The following RAF1 variants were observed in gnomAD, a reference collection of about 807,000 sequenced individuals.
The protein encoded by RAF1 is RAF proto-oncogene serine/threonine-protein kinase.
RAF1 carries 27 observed loss-of-function variants against 81.1 expected under a neutral mutation model. The observed-to-expected ratio is 0.33, with a 90% CI of 0.25 to 0.46. The LOEUF is 0.46. Among genes scored for constraint, RAF1 ranks in the 20% least tolerant of loss-of-function variants. The pLI is 1.00. For synonymous variants in RAF1, 298 were observed against 294.0 expected (o/e 1.01, Z -0.14); for missense variants, 598 against 826.0 (o/e 0.72, Z 3.38).
rs543198984 is a variant in RAF1, at chr3:12,584,713, A to G, written c.1864-56T>C. On this transcript the variant is annotated intron_variant, in intron 17 of 17. Coordinates refer to ENST00000442415, the MANE Select transcript of RAF1 (RefSeq NM_001354689.3). ...GCTGTGTCTCAAAGACACAGGATGTACCCTGCCCCCCACCATCTTGTAGAG... is the reference window on the plus strand; with the variant it reads ...GCTGTGTCTCAAAGACACAGGATGTGCCCTGCCCCCCACCATCTTGTAGAG... 9.4e-5 allele frequency: 152 copies of G among 1,613,436 alleles called. No individual in the cohort carries two copies. The Middle Eastern group carries it at 3.0e-3, about 32-fold the overall frequency.
rs1342780733 is a variant in RAF1, at chr3:12,583,778, T to C, written c.*736A>G. On this transcript the variant is annotated 3_prime_UTR_variant, in exon 18 of 18. Transcript: ENST00000442415. Reference sequence around the variant, plus strand: ...AGAGAAACAAGGCTGTTTGTTTGTTTGTTTGTTAGAGAAACAAGGCTGGCC... The same window carrying C: ...AGAGAAACAAGGCTGTTTGTTTGTTCGTTTGTTAGAGAAACAAGGCTGGCC... 1 of 233,306 alleles carries C rather than the reference T, an allele frequency of 4.3e-6. No homozygotes were observed. The highest frequency in any genetic ancestry group is 6.0e-5 in the East Asian group (1 of 16,556). The allele number at this position is 233,306 out of a possible 1,614,324, so 14.5% of individuals were successfully genotyped here.
chr3:12,590,247 G>C (rs2058466909), intron 13 of RAF1: 1 of 164,494 alleles, frequency 6.1e-6, no homozygotes, highest in South Asian at 1.6e-4. Context: ...TCAGGTTTCT[G>C]ATAAAGCCAG....
intron 1 of RAF1, among the ~76,000 whole-genome samples, chr3:12,642,412 G>A (rs911925895): frequency 2.0e-5 from 3 of 150,332 alleles, no homozygotes; most frequent in African/African-American, 7.3e-5. Flanking sequence ...GGGAGGCTGA[G>A]GCAGGAGGAG....
intron 12 of RAF1, 69 bp from the exon 12 acceptor site, chr3:12,591,043 G>A (rs2058500160): frequency 4.2e-6 from 6 of 1,424,756 alleles, no homozygotes; most frequent in East Asian, 2.3e-5. Flanking sequence ...GTGCTTTCCC[G>A]TGGACAGTGG....
intron 2 of RAF1, among the ~76,000 whole-genome samples, chr3:12,618,149 A>G (rs1239833827): frequency 2.0e-5 from 3 of 152,168 alleles, no homozygotes; most frequent in African/African-American, 7.2e-5. Context: ...ATAGTCAAAA[A>G]GCTTTAGGTG....
At chr3:12,649,619 ACAG>A (rs1195805730) in intron 1 of RAF1, among the ~76,000 whole-genome samples, 1 of 137,290 alleles carries the variant, frequency 7.3e-6, no homozygotes, top group Non-Finnish European at 1.6e-5. Flanking sequence ...ACACACACAC[ACAG>A]TTTTCACTGT....
Position 12,590,851 on chromosome 3 carries a change from C to T in RAF1, c.1377G>A (p.Lys459=), listed in dbSNP as rs1463012063. 1.2e-6 allele frequency: 2 copies of T among 1,613,960 alleles called. No homozygotes were observed. Among genetic ancestry groups the T allele is most frequent in the Non-Finnish European group, 1.7e-6 (2 of 1,179,910 alleles). Residue 459 remains lysine (K), a synonymous_variant, in exon 13 of 18, where the codon AAG becomes AAA. Transcript: ENST00000442415. ...TGTCAATTAGCTGGAACATCTGAAA[C>T]TTGGTCTCCTGGACATGCAGGTGTT...
intron 1 of RAF1, among the ~76,000 whole-genome samples, chr3:12,646,678 G>C (rs2060358521): frequency 6.6e-6 from 1 of 151,416 alleles, no homozygotes; most frequent in Non-Finnish European, 1.5e-5. Flanking sequence ...AGCCTCCCGA[G>C]TAGCTGGGAT....
intron 11 of RAF1, among the ~76,000 whole-genome samples, chr3:12,595,879 C>CA (rs1553612092): frequency 8.3e-5 from 12 of 144,884 alleles, no homozygotes; most frequent in Admixed American, 4.8e-4. Flanking sequence ...CCTTAAGTTT[C>CA]TTTTTTTTTT....
intron 11 of RAF1, among the ~76,000 whole-genome samples, chr3:12,594,737 T>C (rs1017834356): frequency 3.3e-5 from 5 of 152,224 alleles, no homozygotes; most frequent in Admixed American, 3.3e-4. Flanking sequence ...AGTTGAACTC[T>C]TCTCGCTTTT....
At chr3:12,625,861 T>G (rs2059687306) in intron 1 of RAF1, among the ~76,000 whole-genome samples, 1 of 152,044 alleles carries the variant, frequency 6.6e-6, no homozygotes, top group Non-Finnish European at 1.5e-5. Flanking sequence ...AATTTAAGAA[T>G]AAGGTCAGTG....
chr3:12,600,743 G>C (rs1248313249), intron 8 of RAF1, among the ~76,000 whole-genome samples: 2 of 152,210 alleles, frequency 1.3e-5, no homozygotes, highest in African/African-American at 4.8e-5. Flanking sequence ...TGCATTTTTA[G>C]TAGAGACAGG....
chr3:12,593,490 C>T (rs1039348974), intron 11 of RAF1, among the ~76,000 whole-genome samples: 3 of 152,008 alleles, frequency 2.0e-5, no homozygotes, highest in African/African-American at 7.3e-5. Flanking sequence ...TCAACGAGTC[C>T]CCATGTTTTA....
chr3:12,601,025 T>A (rs544115502), intron 8 of RAF1, among the ~76,000 whole-genome samples: 2 of 152,302 alleles, frequency 1.3e-5, no homozygotes, highest in East Asian at 1.9e-4. Context: ...AAACTTTTTT[T>A]AAAAAGCCAG....
At chr3:12,602,950 A>C (rs1398670895) in intron 8 of RAF1, among the ~76,000 whole-genome samples, 1 of 152,364 alleles carries the variant, frequency 6.6e-6, no homozygotes, top group Admixed American at 6.5e-5. Context: ...CTAATGTATA[A>C]ACAGAATACC....
chr3:12,623,271 G>A (rs1291490422), intron 1 of RAF1, among the ~76,000 whole-genome samples: 2 of 152,118 alleles, frequency 1.3e-5, no homozygotes, highest in African/African-American at 4.8e-5. Flanking sequence ...AGAATCCACT[G>A]ATAAGACTAA....
rs2058207676 is a variant in RAF1 at position 12,583,607 on chromosome 3, C to CTAAATT, written c.*901_*906dup. 1 of 230,946 alleles carries CTAAATT rather than the reference C, an allele frequency of 4.3e-6. No homozygotes were observed. The highest frequency in any genetic ancestry group is 1.8e-4 in the South Asian group (1 of 5,512). The allele number at this position is 230,946 out of a possible 1,614,324, so 14.3% of individuals were successfully genotyped here. A position where few individuals can be genotyped will look rare whatever the true frequency, so the allele number is the denominator to read the frequency against. On this transcript the variant is annotated 3_prime_UTR_variant, in exon 18 of 18. Transcript: ENST00000442415. ...AGGAGGTAACAGCCAGCCATTACACCTAAATTTAATTTATTTTATTAAAAT... is the reference window on the plus strand; with the variant it reads ...AGGAGGTAACAGCCAGCCATTACACCTAAATTTAAATTTAATTTATTTTATTAAAAT...
chr3:12,649,335 T>C (rs932570298), intron 1 of RAF1, among the ~76,000 whole-genome samples: 1 of 152,216 alleles, frequency 6.6e-6, no homozygotes, highest in Non-Finnish European at 1.5e-5. Flanking sequence ...TGGTGGTTCA[T>C]GCCTGTAATC....
At chr3:12,615,632 C>G (rs1429210427) in intron 2 of RAF1, among the ~76,000 whole-genome samples, 1 of 152,212 alleles carries the variant, frequency 6.6e-6, no homozygotes, top group Non-Finnish European at 1.5e-5. Context: ...CCCAAAGAAA[C>G]AGGCAAAACT....
Sources: allele counts gnomAD v4.1 joint callset (sites outside exome capture counted in the v4.1 genomes callset), GRCh38; gene constraint gnomAD v4.1.1; transcripts MANE v1.5; gene names NCBI Gene and HGNC (gene_info 2026-07-23, HGNC 2026-07-21).